The following TENM3 variants were observed in gnomAD, a reference collection of about 807,000 sequenced individuals.
TENM3 encodes the protein teneurin transmembrane protein 3.
Under a neutral mutation model 255.1 loss-of-function variants are expected in TENM3, and 63 were observed. That is an observed-to-expected ratio of 0.25 (90% CI 0.20 to 0.30). TENM3 has a LOEUF of 0.30. Among genes scored for constraint, TENM3 ranks in the 10% least tolerant of loss-of-function variants. The probability of loss-of-function intolerance (pLI) is 1.00; values close to 1 mark genes in which losing one functional copy is unlikely to be tolerated. For missense variants in TENM3, 2,929 were observed against 3,461.1 expected (o/e 0.85, Z 3.86); for synonymous variants, 1,306 against 1,322.3 (o/e 0.99, Z 0.27).
the TENM3 span, among the ~76,000 whole-genome samples, chr4:181,697,000 T>A: frequency 6.6e-6 from 1 of 152,224 alleles, no homozygotes; most frequent in Admixed American, 6.5e-5. Context: ...TTGTTGTTGT[T>A]ACAAATTGTC....
At chr4:182,638,026 G>A (rs1180809671) in intron 5 of TENM3, among the ~76,000 whole-genome samples, 5 of 112,640 alleles carry the variant, frequency 4.4e-5, no homozygotes, top group African/African-American at 1.6e-4. Flanking sequence ...CCATGTGTTA[G>A]GGGAAAAATT....
At chr4:181,859,192 G>A in the TENM3 span, among the ~76,000 whole-genome samples, 2 of 138,572 alleles carry the variant, frequency 1.4e-5, no homozygotes, top group East Asian at 2.1e-4. Context: ...GCAGTGAGCC[G>A]AGATCGTGCC....
the TENM3 span, among the ~76,000 whole-genome samples, chr4:182,061,905 C>T: frequency 6.6e-6 from 1 of 152,140 alleles, no homozygotes; most frequent in Non-Finnish European, 1.5e-5. Context: ...TGCAGTGAGC[C>T]ATCATTGCAC....
intron 1 of TENM3, among the ~76,000 whole-genome samples, chr4:182,266,371 G>A (rs10033222): frequency 0.14 from 21,026 of 152,190 alleles, 1,840 homozygotes; most frequent in African/African-American, 0.24. Context: ...TAAACAAGTT[G>A]TAGAAAACTT....
At chr4:182,263,129 C>T (rs762676334) in intron 1 of TENM3, among the ~76,000 whole-genome samples, 3 of 152,002 alleles carry the variant, frequency 2.0e-5, no homozygotes, top group Admixed American at 1.3e-4. Context: ...CTGGCGACCG[C>T]GAAGGGACTG....
At chr4:181,740,220 G>T in the TENM3 span, among the ~76,000 whole-genome samples, 1 of 151,990 alleles carries the variant, frequency 6.6e-6, no homozygotes, top group Non-Finnish European at 1.5e-5. Flanking sequence ...AGAACCGTTT[G>T]CTAAAAATGA....
intron 3 of TENM3, among the ~76,000 whole-genome samples, chr4:182,516,782 A>T (rs566144301): frequency 6.6e-6 from 1 of 151,920 alleles, no homozygotes; most frequent in Non-Finnish European, 1.5e-5. Context: ...TCCCAACTAC[A>T]TGGGAGGCTG....
At chr4:181,794,797 A>T in the TENM3 span, among the ~76,000 whole-genome samples, 1 of 152,004 alleles carries the variant, frequency 6.6e-6, no homozygotes, top group East Asian at 1.9e-4. Flanking sequence ...GATGTAAGAA[A>T]ATCACACTTA....
chr4:182,550,329 A>G (rs1274604100), intron 3 of TENM3, among the ~76,000 whole-genome samples: 2 of 152,212 alleles, frequency 1.3e-5, no homozygotes, highest in East Asian at 1.9e-4. Context: ...TTACAGACCT[A>G]TTTGTTGAGA....
chr4:181,717,882 C>T, the TENM3 span, among the ~76,000 whole-genome samples: 1 of 152,274 alleles, frequency 6.6e-6, no homozygotes, highest in South Asian at 2.1e-4. Flanking sequence ...GAATTAACTT[C>T]TTTCTATACC....
intron 24 of TENM3, among the ~76,000 whole-genome samples, chr4:182,782,812 G>C: frequency 7.6e-6 from 1 of 131,712 alleles, no homozygotes; most frequent in Non-Finnish European, 1.6e-5. Context: ...TTATGTAATG[G>C]CCTTCTTTGT....
the TENM3 span, among the ~76,000 whole-genome samples, chr4:181,478,512 G>T: frequency 6.6e-6 from 1 of 152,260 alleles, no homozygotes; most frequent in Admixed American, 6.5e-5. Flanking sequence ...CGTGCTGTCT[G>T]CTCACATTTG....
chr4:182,647,247 A>G (rs1752836309), intron 5 of TENM3, among the ~76,000 whole-genome samples: 1 of 152,240 alleles, frequency 6.6e-6, no homozygotes, highest in African/African-American at 2.4e-5. Flanking sequence ...AACACACAAC[A>G]TAAAATTTAT....
chr4:182,066,598 AAAT>A, the TENM3 span, among the ~76,000 whole-genome samples: 6,801 of 33,250 alleles, frequency 0.2, 219 homozygotes, highest in East Asian at 0.45. Flanking sequence ...GGTAAAAAAA[AAAT>A]ATATATATAT....
chr4:182,472,028 G>T (rs188521537), intron 3 of TENM3, among the ~76,000 whole-genome samples: 23 of 152,166 alleles, frequency 1.5e-4, no homozygotes, highest in Admixed American at 3.3e-4. Flanking sequence ...GGGGAAATTT[G>T]TTGAGTGGAC....
intron 1 of TENM3, among the ~76,000 whole-genome samples, chr4:182,229,136 A>G (rs1413388274): frequency 1.3e-5 from 2 of 152,228 alleles, no homozygotes; most frequent in Non-Finnish European, 2.9e-5. Flanking sequence ...ATGGAATTTC[A>G]TTCAAACTTT....
At chr4:182,345,199 TA>T (rs1182092542) in intron 2 of TENM3, among the ~76,000 whole-genome samples, 1 of 152,172 alleles carries the variant, frequency 6.6e-6, no homozygotes, top group African/African-American at 2.4e-5. Flanking sequence ...ACCACAGCAA[TA>T]AAGCAATTAA....
At chr4:181,785,596 T>C in the TENM3 span, among the ~76,000 whole-genome samples, 3 of 152,094 alleles carry the variant, frequency 2.0e-5, no homozygotes, top group South Asian at 2.1e-4. Flanking sequence ...TGAGCACCAA[T>C]ATAAAGCTTA....
the TENM3 span, among the ~76,000 whole-genome samples, chr4:181,504,493 T>G: frequency 2.8e-4 from 42 of 152,100 alleles, no homozygotes; most frequent in Non-Finnish European, 4.4e-4. Flanking sequence ...CCTCTTTACC[T>G]CTTCTTCTAT....
Sources: allele counts gnomAD v4.1 joint callset (sites outside exome capture counted in the v4.1 genomes callset), GRCh38; gene constraint gnomAD v4.1.1; transcripts MANE v1.5; gene names NCBI Gene and HGNC (gene_info 2026-07-23, HGNC 2026-07-21).